The following HACE1 variants were observed in gnomAD, a reference collection of about 807,000 sequenced individuals.
HACE1 encodes the protein HECT domain and ankyrin repeat containing E3 ubiquitin protein ligase 1.
In HACE1, 73 loss-of-function variants were observed where a neutral mutation model predicts 118.4. That is an observed-to-expected ratio of 0.62 (90% CI 0.51 to 0.75). The LOEUF is 0.75. Among genes scored for constraint, HACE1 ranks in the 30% least tolerant of loss-of-function variants. The pLI, the probability that HACE1 is intolerant of heterozygous loss-of-function variation, is 0.00. For synonymous variants in HACE1, 368 were observed against 374.8 expected (o/e 0.98, Z 0.21); for missense variants, 749 against 1,102.2 (o/e 0.68, Z 4.54).
At chr6:104,807,434 A>G (rs1410477123) in intron 7 of HACE1, among the ~76,000 whole-genome samples, 1 of 152,196 alleles carries the variant, frequency 6.6e-6, no homozygotes, top group Admixed American at 6.5e-5. Flanking sequence ...TTCTGTCTCT[A>G]GTAGAGACCT....
chr6:104,796,780 C>T (rs201034094), intron 8 of HACE1, 24 bp from the exon 9 acceptor site: 21 of 1,389,370 alleles, frequency 1.5e-5, no homozygotes, highest in Non-Finnish European at 2.1e-5. Context: ...CTAAAATTAT[C>T]CAGGTTTAAA....
intron 7 of HACE1, among the ~76,000 whole-genome samples, chr6:104,809,465 C>T (rs953194090): frequency 6.6e-6 from 1 of 152,042 alleles, no homozygotes; most frequent in African/African-American, 2.4e-5. Flanking sequence ...GAAAAGCCTG[C>T]TGAAAGAGTT....
chr6:104,785,464 G>A lies in HACE1; in HGVS notation c.1075-145C>T, dbSNP rs1782286008. On this transcript the variant is annotated intron_variant, in intron 11 of 23. Coordinates refer to ENST00000262903, the MANE Select transcript of HACE1 (RefSeq NM_020771.4). ...CTTCCCAAGTTAACGTGATAGTAAT[G>A]CCTAAAGGTAAGTAATAAAATTATA... 1.6e-5 allele frequency: 10 copies of A among 628,140 alleles called. No individual in the cohort carries two copies. The South Asian group carries it at 1.7e-4, about 11-fold the overall frequency. 38.9% of individuals were successfully genotyped at this position (628,140 alleles called of 1,614,324 possible). A position where few individuals can be genotyped will look rare whatever the true frequency, so the allele number is the denominator to read the frequency against.
intron 19 of HACE1, among the ~76,000 whole-genome samples, chr6:104,751,814 T>C (rs1433127954): frequency 2.0e-5 from 3 of 151,934 alleles, no homozygotes; most frequent in Non-Finnish European, 4.4e-5. Context: ...CAATATGCTA[T>C]AGCAGGTATA....
At chr6:104,786,660 T>G (rs1582466113) in intron 11 of HACE1, 1 of 151,892 alleles carries the variant, frequency 6.6e-6, no homozygotes, top group Non-Finnish European at 1.5e-5. Context: ...TAGGATATTT[T>G]TAATCCCAAA....
At chr6:104,790,193 T>C (rs1640447309) in intron 11 of HACE1, among the ~76,000 whole-genome samples, 1 of 152,148 alleles carries the variant, frequency 6.6e-6, no homozygotes, top group Non-Finnish European at 1.5e-5. Flanking sequence ...CAGACATTCA[T>C]ACATAACCTT....
chr6:104,759,618 C>A (rs1385530018), intron 19 of HACE1, among the ~76,000 whole-genome samples: 4 of 151,942 alleles, frequency 2.6e-5, no homozygotes, highest in African/African-American at 9.7e-5. Context: ...AAATCAACAC[C>A]CTAACATCAC....
rs971943900 is a variant in HACE1 at position 104,778,832 on chromosome 6, A to T, written c.1567-1515T>A. Among the ~76,000 whole-genome samples the T allele has an allele frequency of 7.9e-5, 12 of 152,166 alleles. No homozygotes were observed. In the Middle Eastern group the frequency reaches 0.01, roughly 129 times the overall value. On this transcript the variant is annotated intron_variant, in intron 14 of 23. Transcript: ENST00000262903. Reference sequence around the variant, plus strand: ...TCTACAAAAAAAAAAGTAAGGTAAGATCTCTGCAAGATAGAACTTATGAAT... The same window carrying T: ...TCTACAAAAAAAAAAGTAAGGTAAGTTCTCTGCAAGATAGAACTTATGAAT...
At chr6:104,765,044 T>C (rs1779829755) in intron 19 of HACE1, among the ~76,000 whole-genome samples, 1 of 152,196 alleles carries the variant, frequency 6.6e-6, no homozygotes, top group South Asian at 2.1e-4. Context: ...TGCAACAAAG[T>C]GTTATATTTA....
chr6:104,780,270 AG>A, intron 14 of HACE1: 1 of 355,658 alleles, frequency 2.8e-6, no homozygotes, highest in Non-Finnish European at 5.4e-6. Flanking sequence ...TACCTTCAAA[AG>A]CTCAGATCAA....
At chr6:104,733,767 A>T (rs1403141155) in intron 22 of HACE1, among the ~76,000 whole-genome samples, 3 of 151,610 alleles carry the variant, frequency 2.0e-5, no homozygotes, top group African/African-American at 7.3e-5. Flanking sequence ...TTGAACCCAG[A>T]AGGTGGAAGT....
intron 14 of HACE1, 110 bp downstream of exon 14, chr6:104,783,976 T>G: frequency 1.4e-6 from 1 of 707,068 alleles, no homozygotes; most frequent in Non-Finnish European, 2.6e-6. Flanking sequence ...ATGCAATCAT[T>G]CCTCTTACAA....
intron 22 of HACE1, among the ~76,000 whole-genome samples, chr6:104,734,929 T>C (rs189955522): frequency 1.3e-5 from 2 of 152,310 alleles, no homozygotes; most frequent in East Asian, 1.9e-4. Context: ...TGTTGAAGTA[T>C]AAACCATTTA....
intron 20 of HACE1, among the ~76,000 whole-genome samples, chr6:104,748,875 C>A (rs1300247830): frequency 6.6e-6 from 1 of 151,986 alleles, no homozygotes; most frequent in Non-Finnish European, 1.5e-5. Context: ...GAATGGTTAC[C>A]CTTAAGGTGG....
intron 2 of HACE1, 108 bp downstream of exon 2, chr6:104,852,209 G>GTT (rs67205678): frequency 0.063 from 43,421 of 688,654 alleles, 1,042 homozygotes; most frequent in Middle Eastern, 0.1. Flanking sequence ...CTGTGTGTGT[G>GTT]TGTGTGTGTG....
intron 6 of HACE1, among the ~76,000 whole-genome samples, chr6:104,814,668 T>C (rs28763354): frequency 0.042 from 5,706 of 136,790 alleles, 1,541 homozygotes; most frequent in African/African-American, 0.16. Flanking sequence ...TTTGTGTCCC[T>C]GCCAAAATCT....
intron 19 of HACE1, among the ~76,000 whole-genome samples, chr6:104,759,869 C>G (rs1779141655): frequency 6.6e-6 from 1 of 152,156 alleles, no homozygotes; most frequent in Admixed American, 6.5e-5. Context: ...AAGGGGATAT[C>G]ACCACTAATC....
At chr6:104,831,982 G>GAGAAGAGAAGAGAAGA (rs1562471158) in intron 6 of HACE1, among the ~76,000 whole-genome samples, 2 of 52,982 alleles carry the variant, frequency 3.8e-5, no homozygotes, top group Non-Finnish European at 7.3e-5. Flanking sequence ...AGAGAAGAGA[G>GAGAAGAGAAGAGAAGA]GAAGGAAGGA....
At chr6:104,827,614 T>C (rs1484277802) in intron 6 of HACE1, among the ~76,000 whole-genome samples, 2 of 152,138 alleles carry the variant, frequency 1.3e-5, no homozygotes, top group Non-Finnish European at 2.9e-5. Flanking sequence ...ATACAATTAC[T>C]CTGACCCTAG....
Sources: allele counts gnomAD v4.1 joint callset (sites outside exome capture counted in the v4.1 genomes callset), GRCh38; gene constraint gnomAD v4.1.1; transcripts MANE v1.5; gene names NCBI Gene and HGNC (gene_info 2026-07-23, HGNC 2026-07-21).